Variants in INPP4B observed in about 807,000 individuals in gnomAD.
INPP4B encodes inositol polyphosphate-4-phosphatase type II B.
INPP4B carries 55 observed loss-of-function variants against 122.5 expected under a neutral mutation model. That is an observed-to-expected ratio of 0.45 (90% CI 0.36 to 0.56). INPP4B has a LOEUF of 0.56. Among genes scored for constraint, INPP4B ranks in the 20% least tolerant of loss-of-function variants. The pLI is 0.00. For synonymous variants in INPP4B, 403 were observed against 388.7 expected, an observed-to-expected ratio of 1.04 and a Z score of -0.43; for missense variants, 1,000 against 1,097.7, an observed-to-expected ratio of 0.91 and a Z score of 1.26.
chr4:142,671,845 G>A (rs1021852103), intron 2 of INPP4B, among the ~76,000 whole-genome samples: 2 of 151,996 alleles, frequency 1.3e-5, no homozygotes, highest in Non-Finnish European at 2.9e-5. Flanking sequence ...TATATTAATT[G>A]AGTAACCACT....
chr4:142,371,423 G>A (rs555026376), intron 7 of INPP4B, among the ~76,000 whole-genome samples: 11 of 152,114 alleles, frequency 7.2e-5, no homozygotes, highest in Admixed American at 2.0e-4. Flanking sequence ...ATTAGACAAA[G>A]GGGACTATAT....
intron 8 of INPP4B, among the ~76,000 whole-genome samples, chr4:142,310,150 T>C (rs899705741): frequency 3.3e-5 from 5 of 152,102 alleles, no homozygotes; most frequent in African/African-American, 1.2e-4. Flanking sequence ...TATTACAATT[T>C]GCATGGACCT....
chr4:142,461,892 C>T (rs1477008029), intron 3 of INPP4B, among the ~76,000 whole-genome samples: 1 of 151,842 alleles, frequency 6.6e-6, no homozygotes, highest in Non-Finnish European at 1.5e-5. Context: ...GGAGAGAAGA[C>T]CAAATGACAT....
At chr4:142,435,344 A>G (rs1396062111) in intron 3 of INPP4B, among the ~76,000 whole-genome samples, 1 of 152,222 alleles carries the variant, frequency 6.6e-6, no homozygotes. Context: ...AGTCCTTTCA[A>G]TAAGAATGAA....
At chr4:142,268,322 C>CA (rs56908599) in intron 10 of INPP4B, among the ~76,000 whole-genome samples, 152 of 6,888 alleles carry the variant, frequency 0.022, 32 homozygotes, top group African/African-American at 0.031. Flanking sequence ...GACTCCGTCT[C>CA]AAAAAAAAAA....
intron 2 of INPP4B, among the ~76,000 whole-genome samples, chr4:142,477,947 T>C (rs1820005077): frequency 6.6e-6 from 1 of 152,102 alleles, no homozygotes; most frequent in East Asian, 1.9e-4. Context: ...GAACTACAAG[T>C]ATGCACCACC....
At chr4:142,096,300 C>T (rs746877824) in intron 23 of INPP4B, 15 of 152,096 alleles carry the variant, frequency 9.9e-5, no homozygotes, top group Non-Finnish European at 1.8e-4. Context: ...TAAGTTTGTA[C>T]CTACACATAC....
chr4:142,346,605 A>T (rs1371888143), intron 7 of INPP4B, among the ~76,000 whole-genome samples: 3 of 152,032 alleles, frequency 2.0e-5, no homozygotes, highest in Non-Finnish European at 4.4e-5. Flanking sequence ...AAAGAGAAAG[A>T]ATACTACAAA....
chr4:142,236,440 C>T (rs1309633725), intron 12 of INPP4B, among the ~76,000 whole-genome samples: 2 of 152,152 alleles, frequency 1.3e-5, no homozygotes, highest in African/African-American at 4.8e-5. Context: ...AACTTGGCTT[C>T]TTAACTTCCT....
intron 1 of INPP4B, among the ~76,000 whole-genome samples, chr4:142,751,653 T>C (rs1343138780): frequency 3.3e-5 from 5 of 152,090 alleles, no homozygotes; most frequent in Admixed American, 6.6e-5. Context: ...GGCTGTCTTC[T>C]AAGCAGATAG....
chr4:142,061,246 T>C (rs1226090859), intron 25 of INPP4B, among the ~76,000 whole-genome samples: 1 of 152,176 alleles, frequency 6.6e-6, no homozygotes, highest in Admixed American at 6.6e-5. Context: ...CCTGCTACCG[T>C]ACATGTGCAA....
intron 2 of INPP4B, among the ~76,000 whole-genome samples, chr4:142,489,810 T>A (rs144945835): frequency 1.3e-5 from 2 of 152,332 alleles, no homozygotes; most frequent in Non-Finnish European, 2.9e-5. Flanking sequence ...TTAAGCTTTG[T>A]TATTAGAGTA....
intron 23 of INPP4B, among the ~76,000 whole-genome samples, chr4:142,087,517 G>A (rs2152552575): frequency 6.6e-6 from 1 of 152,288 alleles, no homozygotes; most frequent in African/African-American, 2.4e-5. Context: ...GTACTGTATA[G>A]TATGAAAATA....
chr4:142,092,081 T>A (rs1274536634), intron 23 of INPP4B, among the ~76,000 whole-genome samples: 1 of 152,182 alleles, frequency 6.6e-6, no homozygotes, highest in Non-Finnish European at 1.5e-5. Flanking sequence ...ATTCTCATCT[T>A]AGCAACTGTT....
At chr4:142,767,080 C>G (rs1772261251) in intron 1 of INPP4B, among the ~76,000 whole-genome samples, 1 of 152,216 alleles carries the variant, frequency 6.6e-6, no homozygotes, top group African/African-American at 2.4e-5. Flanking sequence ...CAATGATAAT[C>G]TAAACGCTCA....
At chr4:142,092,967 G>T (rs1780231922) in intron 23 of INPP4B, among the ~76,000 whole-genome samples, 1 of 152,134 alleles carries the variant, frequency 6.6e-6, no homozygotes, top group Non-Finnish European at 1.5e-5. Context: ...ATCTGGGTGG[G>T]CTTCTGACTA....
intron 1 of INPP4B, among the ~76,000 whole-genome samples, chr4:142,738,870 A>G (rs1767467301): frequency 6.6e-6 from 1 of 152,130 alleles, no homozygotes; most frequent in Admixed American, 6.6e-5. Flanking sequence ...TATCTGCTGT[A>G]TTCACAATGT....
At chr4:142,614,236 A>G (rs141500634) in intron 2 of INPP4B, among the ~76,000 whole-genome samples, 2 of 152,240 alleles carry the variant, frequency 1.3e-5, no homozygotes, top group African/African-American at 2.4e-5. Flanking sequence ...CAAACAAACA[A>G]ACAAACCCAA....
chr4:142,159,732 C>T (rs1489967966), intron 17 of INPP4B, among the ~76,000 whole-genome samples: 2 of 151,942 alleles, frequency 1.3e-5, no homozygotes, highest in African/African-American at 2.4e-5. Context: ...TACACCTTCA[C>T]GTTTCTCCCA....
Sources: gnomAD v4.1 joint callset for allele counts (sites outside exome capture counted in the v4.1 genomes callset) on GRCh38, gnomAD v4.1.1 for gene constraint, MANE v1.5 for transcripts, NCBI Gene and HGNC (gene_info 2026-07-23, HGNC 2026-07-21) for gene names.